The following QTGAL variants were observed in gnomAD, a reference collection of about 807,000 sequenced individuals.
The protein encoded by QTGAL is BGnT-like protein 1.
chr17:83,049,025 G>A, the QTGAL span: 1 of 484,854 alleles, frequency 2.1e-6, no homozygotes, highest in East Asian at 3.8e-5. Flanking sequence ...AGGCCGAGGT[G>A]GGTGGATTAC....
At chr17:83,009,613 C>T in the QTGAL span, among the ~76,000 whole-genome samples, 44,368 of 151,984 alleles carry the variant, frequency 0.29, 6,711 homozygotes, top group African/African-American at 0.38. Context: ...CCACAGAGGC[C>T]GAGTCCTGAA....
the QTGAL span, among the ~76,000 whole-genome samples, chr17:83,001,614 G>A: frequency 7.1e-6 from 1 of 141,490 alleles, no homozygotes. Flanking sequence ...GCGGGGTGGG[G>A]GACGGGAGCC....
chr17:83,005,819 A>T, the QTGAL span: 1 of 1,216,836 alleles, frequency 8.2e-7, no homozygotes, highest in Non-Finnish European at 1.1e-6. The surrounding 1 kb of genome is among the most constrained non-coding windows in gnomAD (Gnocchi z 5.6). Context: ...TCAGAGCATC[A>T]CCTGCCTCAG....
the QTGAL span, among the ~76,000 whole-genome samples, chr17:83,026,870 A>G: frequency 4.0e-3 from 414 of 103,564 alleles, 4 homozygotes; most frequent in South Asian, 0.021. Flanking sequence ...AGAGCGGGGC[A>G]GGAAGCCTGC....
At chr17:82,993,995 A>C in the QTGAL span, among the ~76,000 whole-genome samples, 1 of 152,156 alleles carries the variant, frequency 6.6e-6, no homozygotes, top group Non-Finnish European at 1.5e-5. Context: ...AACCTATAGG[A>C]TATAGCAAAA....
At chr17:83,024,803 G>A in the QTGAL span, among the ~76,000 whole-genome samples, 2 of 152,250 alleles carry the variant, frequency 1.3e-5, no homozygotes, top group East Asian at 3.8e-4. Flanking sequence ...TGATGCTGAG[G>A]AGTGACCAGA....
the QTGAL span, chr17:83,005,302 G>T: frequency 3.7e-6 from 4 of 1,093,952 alleles, no homozygotes; most frequent in African/African-American, 4.7e-5. The surrounding 1 kb of genome is among the most constrained non-coding windows in gnomAD (Gnocchi z 5.6). Flanking sequence ...CATGTTTTAG[G>T]CAGAGATGTC....
the QTGAL span, among the ~76,000 whole-genome samples, chr17:82,987,265 GT>G: frequency 6.6e-6 from 1 of 152,080 alleles, no homozygotes; most frequent in Non-Finnish European, 1.5e-5. Context: ...TATCTCAAAT[GT>G]TAGCGAGAAA....
the QTGAL span, among the ~76,000 whole-genome samples, chr17:82,978,139 A>G: frequency 6.6e-6 from 1 of 152,040 alleles, no homozygotes; most frequent in Non-Finnish European, 1.5e-5. This position sits in a 1 kb window ranked among gnomAD's most constrained non-coding sequence, Gnocchi z 4.8. Context: ...CTTTATTTCT[A>G]TAAAAACAAG....
chr17:83,024,889 G>A, the QTGAL span, among the ~76,000 whole-genome samples: 82 of 152,348 alleles, frequency 5.4e-4, no homozygotes, highest in African/African-American at 1.6e-3. Context: ...CACATCGGCC[G>A]GCACAGAGGG....
At chr17:83,036,168 T>C in the QTGAL span, among the ~76,000 whole-genome samples, 9 of 152,168 alleles carry the variant, frequency 5.9e-5, no homozygotes, top group African/African-American at 2.2e-4. Context: ...ACTACCCAAG[T>C]GCAGAATGGA....
chr17:83,009,804 T>G, the QTGAL span, among the ~76,000 whole-genome samples: 1 of 151,846 alleles, frequency 6.6e-6, no homozygotes, highest in African/African-American at 2.4e-5. Context: ...GAAAGACACG[T>G]TTCTGGCACA....
the QTGAL span, chr17:82,965,642 G>C: frequency 6.3e-7 from 1 of 1,599,234 alleles, no homozygotes; most frequent in Non-Finnish European, 8.5e-7. Flanking sequence ...TCCCGCCTTC[G>C]GCCCTTACCT....
At chr17:82,952,235 G>T in the QTGAL span, among the ~76,000 whole-genome samples, 4 of 152,150 alleles carry the variant, frequency 2.6e-5, no homozygotes, top group Non-Finnish European at 5.9e-5. Flanking sequence ...GCTTCTGCGG[G>T]GCAGGAACCG....
the QTGAL span, among the ~76,000 whole-genome samples, chr17:83,010,098 G>A: frequency 7.6e-6 from 1 of 131,908 alleles, no homozygotes; most frequent in Non-Finnish European, 1.7e-5. Flanking sequence ...AGGGGACCCT[G>A]GTGTGGGGGG....
the QTGAL span, among the ~76,000 whole-genome samples, chr17:82,964,545 C>A: frequency 6.7e-5 from 10 of 148,824 alleles, no homozygotes; most frequent in East Asian, 1.2e-3. Flanking sequence ...TGCAGGTGCA[C>A]CCCCACGGGG....
chr17:83,023,239 C>T, the QTGAL span, among the ~76,000 whole-genome samples: 9 of 95,428 alleles, frequency 9.4e-5, 1 homozygote, highest in South Asian at 7.9e-4. Flanking sequence ...CCTGCACCAG[C>T]GTGAACTCAC....
chr17:82,969,702 TAC>T, the QTGAL span, among the ~76,000 whole-genome samples: 1 of 151,772 alleles, frequency 6.6e-6, no homozygotes, highest in East Asian at 2.0e-4. Flanking sequence ...TTTTTTTTTA[TAC>T]AGAGTCTTGC....
chr17:83,039,961 G>A, the QTGAL span, among the ~76,000 whole-genome samples: 2 of 152,152 alleles, frequency 1.3e-5, no homozygotes, highest in Non-Finnish European at 2.9e-5. Flanking sequence ...GCTCTCACAT[G>A]GGGACATTCC....
Sources: gnomAD v4.1 joint callset for allele counts (sites outside exome capture counted in the v4.1 genomes callset) on GRCh38, gnomAD v4.1.1 for gene constraint, Gnocchi (gnomAD v3.1) non-coding constraint, MANE v1.5 for transcripts, NCBI Gene and HGNC (gene_info 2026-07-23, HGNC 2026-07-21) for gene names.